Variants in WAPL observed in about 807,000 individuals in gnomAD.
WAPL encodes the protein wings apart-like protein homolog.
WAPL carries 5 observed loss-of-function variants against 121.0 expected under a neutral mutation model. That is an observed-to-expected ratio of 0.04 (90% CI 0.02 to 0.09). The LOEUF is 0.09. Ranked by LOEUF, WAPL falls within the 10% of genes least tolerant of loss-of-function variation. The probability of loss-of-function intolerance (pLI) is 1.00; values close to 1 mark genes in which losing one functional copy is unlikely to be tolerated. For synonymous variants in WAPL, 480 were observed against 481.5 expected (o/e 1.00, Z 0.04); for missense variants, 999 against 1,410.8 (o/e 0.71, Z 4.68).
At position 86,435,619 on chromosome 10, in the gene WAPL, ATC is replaced by A. The variant is rs566486023; in HGVS notation, c.*1922_*1923del. The A allele has an allele frequency of 5.2e-4, 79 of 152,512 alleles. No homozygotes were observed. Among genetic ancestry groups the A allele is most frequent in the Non-Finnish European group, 8.5e-4 (58 of 68,008 alleles). 9.4% of individuals were successfully genotyped at this position (152,512 alleles called of 1,614,324 possible). The stretch of plus-strand genomic sequence containing the variant: ...ACCACCTCCCCCCACCAAAATCTGC[ATC>A]TCTATCAGTGCTCGACAATTAGTTA... On this transcript the variant is annotated 3_prime_UTR_variant, in exon 19 of 19. Coordinates refer to ENST00000298767, the MANE Select transcript of WAPL (RefSeq NM_015045.5).
chr10:86,507,137 G>A (rs1842367454), intron 2 of WAPL, among the ~76,000 whole-genome samples: 1 of 151,396 alleles, frequency 6.6e-6, no homozygotes, highest in South Asian at 2.1e-4. Flanking sequence ...GGAGGCCGAG[G>A]CGGGCGGATC....
chr10:86,477,836 T>G (rs573048942), intron 4 of WAPL, among the ~76,000 whole-genome samples: 11 of 151,448 alleles, frequency 7.3e-5, no homozygotes, highest in Admixed American at 7.2e-4. Context: ...TCCTAGCACT[T>G]TGGGAGGTCA....
chr10:86,448,118 TG>T (rs1363228783), intron 15 of WAPL, among the ~76,000 whole-genome samples: 1 of 152,102 alleles, frequency 6.6e-6, no homozygotes, highest in East Asian at 1.9e-4. Flanking sequence ...CTGTAATTTT[TG>T]TAACAAAATA....
chr10:86,470,940 G>T, intron 8 of WAPL, 52 bp downstream of exon 8: 1 of 1,432,192 alleles, frequency 7.0e-7, no homozygotes, highest in Non-Finnish European at 9.8e-7. Context: ...TAGCCAAATA[G>T]ACTAGTAGTT....
chr10:86,508,324 C>T (rs1421846604), intron 2 of WAPL, among the ~76,000 whole-genome samples: 3 of 152,090 alleles, frequency 2.0e-5, no homozygotes. Flanking sequence ...TCTCTTATGT[C>T]CTCCCACTAA....
rs1187717957 is a variant in WAPL, at chr10:86,475,860, A to G, written c.1645-1887T>C. On this transcript the variant is annotated intron_variant, in intron 4 of 18. Coordinates refer to ENST00000298767, the MANE Select transcript of WAPL (RefSeq NM_015045.5). ...CTTTTGGCAAGAATGAGTGCCTCAA[A>G]GCTCAAGCATTTTACTTCTTTTTAA... is the stretch of plus-strand genomic sequence containing the variant. Among the ~76,000 whole-genome samples, 5 of 152,220 alleles carry G rather than the reference A, an allele frequency of 3.3e-5. No homozygotes were observed. In the East Asian group the frequency reaches 9.6e-4, roughly 29 times the overall value.
chr10:86,437,693 TTAC>T, intron 18 of WAPL, 85 bp from the exon 19 acceptor site: 1 of 1,414,034 alleles, frequency 7.1e-7, no homozygotes, highest in Admixed American at 2.0e-5. Flanking sequence ...ACCTCTAGAT[TTAC>T]TAAACTGAAC....
At chr10:86,505,191 GTTT>G (rs34790440) in intron 2 of WAPL, among the ~76,000 whole-genome samples, 1 of 150,338 alleles carries the variant, frequency 6.7e-6, no homozygotes, top group Admixed American at 6.7e-5. Context: ...ATTTTTTTAT[GTTT>G]TTTTTATGTT....
intron 17 of WAPL, among the ~76,000 whole-genome samples, chr10:86,441,981 C>T (rs1389332440): frequency 1.3e-5 from 2 of 152,180 alleles, no homozygotes; most frequent in African/African-American, 4.8e-5. Flanking sequence ...TTCTTTTACT[C>T]CAACCAAAGG....
chr10:86,460,923 G>C (rs899771912), intron 10 of WAPL, among the ~76,000 whole-genome samples: 1 of 152,144 alleles, frequency 6.6e-6, no homozygotes, highest in Non-Finnish European at 1.5e-5. Flanking sequence ...ATGTTGGTCA[G>C]GCTGGTCTCA....
intron 2 of WAPL, among the ~76,000 whole-genome samples, chr10:86,515,067 C>A (rs578210170): frequency 6.6e-6 from 1 of 152,086 alleles, no homozygotes; most frequent in South Asian, 2.1e-4. Context: ...CTAGACCAGC[C>A]GGGCCAACAT....
chr10:86,473,752 G>A, intron 5 of WAPL, 126 bp downstream of exon 5: 1 of 706,076 alleles, frequency 1.4e-6, no homozygotes, highest in East Asian at 2.8e-5. Flanking sequence ...ATAAGTTTCA[G>A]TAAAGAAAGC....
Position 86,517,619 on chromosome 10 carries a change from C to T in WAPL, c.451G>A (p.Val151Ile), listed in dbSNP as rs761798940. The change falls in exon 2 of 19, where the codon GTA (valine) becomes ATA (isoleucine). Residue 151 changes from valine to isoleucine, a missense_variant. Coordinates refer to ENST00000298767, the MANE Select transcript of WAPL (RefSeq NM_015045.5). Reference sequence around the variant, plus strand: ...CTACTTATGCTTGCATCATCTTCTACAATTCGGTTTGTGCTCTTTTCTTTC... The same window carrying T: ...CTACTTATGCTTGCATCATCTTCTATAATTCGGTTTGTGCTCTTTTCTTTC... ...LGKEKSTNRIVEDDASISSCN... is the reference protein window; with the variant it reads ...LGKEKSTNRIIEDDASISSCN... 1 of 1,613,880 alleles carries T rather than the reference C, an allele frequency of 6.2e-7. No individual in the cohort carries two copies. The highest frequency in any genetic ancestry group is 1.1e-5 in the South Asian group (1 of 91,066).
intron 17 of WAPL, among the ~76,000 whole-genome samples, chr10:86,440,882 GAA>G (rs10661246): frequency 1.5e-5 from 2 of 130,524 alleles, no homozygotes; most frequent in Non-Finnish European, 1.6e-5. Flanking sequence ...TACACAAAGT[GAA>G]AAAAAAAAAA....
intron 15 of WAPL, among the ~76,000 whole-genome samples, 194 bp from the exon 16 acceptor site, chr10:86,446,643 TAA>T (rs1337411009): frequency 3.9e-5 from 6 of 152,208 alleles, no homozygotes; most frequent in Non-Finnish European, 8.8e-5. Context: ...TAAATGCTGC[TAA>T]GATTCAATGA....
chr10:86,521,074 G>A (rs1015284901), intron 1 of WAPL, among the ~76,000 whole-genome samples: 1 of 152,166 alleles, frequency 6.6e-6, no homozygotes, highest in East Asian at 1.9e-4. Flanking sequence ...GCAGTGCAAG[G>A]CCCCAGTGGC....
At position 86,472,520 on chromosome 10, in the gene WAPL, A is replaced by ACAATTT; in HGVS notation, c.1893+91_1893+92insAAATTG. 6.5e-7 allele frequency: 1 copy of ACAATTT among 1,546,842 alleles called. No individual in the cohort carries two copies. Among genetic ancestry groups the ACAATTT allele is most frequent in the Non-Finnish European group, 8.7e-7 (1 of 1,146,012 alleles). On this transcript the variant is annotated intron_variant, in intron 6 of 18. Coordinates refer to ENST00000298767, the MANE Select transcript of WAPL (RefSeq NM_015045.5). The surrounding 1 kb of genome is among the most constrained non-coding windows in gnomAD (Gnocchi z 4.2). ...AGTTTGTGGTTCAAAACTGAGTATC[A>ACAATTT]GTATACTGATATTTGTTGAAGATAT...
chr10:86,513,755 A>G (rs1240566324), intron 2 of WAPL, among the ~76,000 whole-genome samples: 1 of 152,254 alleles, frequency 6.6e-6, no homozygotes, highest in Non-Finnish European at 1.5e-5. Context: ...AATAATTCTG[A>G]GCCTGGATAA....
At chr10:86,480,028 T>C (rs1319815645) in intron 4 of WAPL, among the ~76,000 whole-genome samples, 5 of 152,200 alleles carry the variant, frequency 3.3e-5, no homozygotes, top group African/African-American at 9.7e-5. Flanking sequence ...ATCCAGAGTA[T>C]TGAATTATTT....
Sources: gnomAD v4.1 joint callset for allele counts (sites outside exome capture counted in the v4.1 genomes callset) on GRCh38, gnomAD v4.1.1 for gene constraint, Gnocchi (gnomAD v3.1) non-coding constraint, MANE v1.5 for transcripts, NCBI Gene and HGNC (gene_info 2026-07-23, HGNC 2026-07-21) for gene names.